PRKCB: variants seen among roughly 807,000 people sequenced by gnomAD.
PRKCB encodes protein kinase C beta type.
In PRKCB, 13 loss-of-function variants were observed where a neutral mutation model predicts 81.5. That is an observed-to-expected ratio of 0.16 (90% CI 0.10 to 0.25). PRKCB has a LOEUF of 0.25. Ranked by LOEUF, PRKCB falls within the 10% of genes least tolerant of loss-of-function variation. The pLI is 1.00. For synonymous variants in PRKCB, 335 were observed against 321.4 expected (o/e 1.04, Z -0.45); for missense variants, 509 against 875.7 (o/e 0.58, Z 5.29).
intron 5 of PRKCB, among the ~76,000 whole-genome samples, chr16:24,051,560 G>C (rs1488189345): frequency 6.6e-6 from 1 of 152,030 alleles, no homozygotes; most frequent in African/African-American, 2.4e-5. Context: ...GCAAGGCTCC[G>C]AGACACCAAA....
At chr16:23,972,317 G>A (rs1415076322) in intron 2 of PRKCB, among the ~76,000 whole-genome samples, 4 of 152,060 alleles carry the variant, frequency 2.6e-5, no homozygotes, top group Non-Finnish European at 4.4e-5. Flanking sequence ...AATTTTGGTG[G>A]TACATGCGTA....
At chr16:23,896,950 A>G (rs11074585) in intron 2 of PRKCB, among the ~76,000 whole-genome samples, 20,535 of 151,776 alleles carry the variant, frequency 0.14, 1,418 homozygotes, top group Middle Eastern at 0.23. Flanking sequence ...TCATCCATCC[A>G]TCCACCCACC....
At chr16:24,079,872 T>C (rs1170890629) in intron 5 of PRKCB, among the ~76,000 whole-genome samples, 1 of 152,230 alleles carries the variant, frequency 6.6e-6, no homozygotes, top group East Asian at 1.9e-4. Flanking sequence ...TGTTGGTATA[T>C]TTATTACGTC....
rs995346915 is a variant in PRKCB at position 24,214,595 on chromosome 16, T to C, written c.1864-63T>C. 5.0e-6 allele frequency: 7 copies of C among 1,394,648 alleles called. No individual in the cohort carries two copies. In the South Asian group the frequency reaches 7.2e-5, roughly 14 times the overall value. 86.4% of individuals were successfully genotyped at this position (1,394,648 alleles called of 1,614,324 possible). A position where few individuals can be genotyped will look rare whatever the true frequency, so the allele number is the denominator to read the frequency against. ...CCCAATTATGCTAGGTTCTGTTTTATTTTGGCTTTTGTTTTTGTTTTTTTT... is the reference window on the plus strand; with the variant it reads ...CCCAATTATGCTAGGTTCTGTTTTACTTTGGCTTTTGTTTTTGTTTTTTTT... On this transcript the variant is annotated intron_variant, in intron 16 of 16. Coordinates refer to ENST00000643927, the MANE Select transcript of PRKCB (RefSeq NM_002738.7).
chr16:23,887,762 G>A (rs1043400598), intron 2 of PRKCB, among the ~76,000 whole-genome samples: 1 of 152,230 alleles, frequency 6.6e-6, no homozygotes, highest in East Asian at 1.9e-4. Context: ...AGTTCTTTGA[G>A]AAGTCTCTAA....
chr16:24,133,939 A>G (rs985373551), intron 9 of PRKCB, among the ~76,000 whole-genome samples: 58 of 145,748 alleles, frequency 4.0e-4, no homozygotes, highest in Non-Finnish European at 3.6e-4. Context: ...TCTGTCACCC[A>G]GGCTGGAGTG....
At chr16:24,053,669 A>C (rs963027668) in intron 5 of PRKCB, among the ~76,000 whole-genome samples, 44 of 152,194 alleles carry the variant, frequency 2.9e-4, no homozygotes, top group Non-Finnish European at 1.6e-4. Flanking sequence ...ACATTGAGTA[A>C]AGACTTTCAA....
rs140707255 is a variant in PRKCB at position 24,120,364 on chromosome 16, A to C, written c.919-3471A>C. 3.8e-3 allele frequency among the ~76,000 whole-genome samples: 579 copies of C among 152,316 alleles called. 1 individual carries two copies. Among genetic ancestry groups the C allele is most frequent in the Non-Finnish European group, 6.0e-3 (406 of 68,022 alleles). On this transcript the variant is annotated intron_variant, in intron 8 of 16. Transcript: ENST00000643927. ...ACCTCAAGTTTCAAAACATGAATAA[A>C]GAGAAAATGGCGGATGCTTTGTTAG...
At chr16:24,110,823 T>C (rs1211755294) in intron 7 of PRKCB, among the ~76,000 whole-genome samples, 2 of 152,182 alleles carry the variant, frequency 1.3e-5, no homozygotes, top group Non-Finnish European at 2.9e-5. Flanking sequence ...ACGACCTGTT[T>C]ATCTTTTTGT....
chr16:24,151,877 T>TG (rs1567393419), intron 9 of PRKCB: 1 of 455,434 alleles, frequency 2.2e-6, no homozygotes, highest in Admixed American at 2.3e-5. Context: ...AGATGTAGGA[T>TG]GTCCACCCCT....
At chr16:24,165,606 T>G (rs1459544349) in intron 10 of PRKCB, among the ~76,000 whole-genome samples, 1 of 152,230 alleles carries the variant, frequency 6.6e-6, no homozygotes, top group African/African-American at 2.4e-5. Context: ...TGGTGGTACA[T>G]GAACACATTG....
chr16:23,996,965 T>C (rs571730341), intron 3 of PRKCB, among the ~76,000 whole-genome samples: 94 of 152,290 alleles, frequency 6.2e-4, no homozygotes, highest in African/African-American at 2.2e-3. Context: ...ATCAAGGAAG[T>C]GGAATGGGAG....
intron 16 of PRKCB, among the ~76,000 whole-genome samples, chr16:24,194,265 G>A (rs1967845113): frequency 6.6e-6 from 1 of 152,166 alleles, no homozygotes; most frequent in Admixed American, 6.5e-5. Context: ...GGCAGAGGTT[G>A]CAGTGAGCTG....
intron 8 of PRKCB, among the ~76,000 whole-genome samples, chr16:24,121,103 G>C (rs763127611): frequency 6.6e-6 from 1 of 152,148 alleles, no homozygotes; most frequent in Non-Finnish European, 1.5e-5. Context: ...TGCCTCCTGT[G>C]CCATATCTGC....
intron 8 of PRKCB, among the ~76,000 whole-genome samples, chr16:24,121,170 C>G (rs965112998): frequency 2.6e-5 from 4 of 152,244 alleles, no homozygotes; most frequent in African/African-American, 9.7e-5. Flanking sequence ...GTCTTCCCCT[C>G]TGTTCCATAA....
intron 5 of PRKCB, among the ~76,000 whole-genome samples, chr16:24,065,669 G>A (rs1214853138): frequency 2.0e-5 from 3 of 151,844 alleles, no homozygotes; most frequent in South Asian, 2.1e-4. Context: ...TCTAAAGAAC[G>A]TCTTTTATTA....
intron 11 of PRKCB, among the ~76,000 whole-genome samples, 163 bp downstream of exon 11, chr16:24,172,524 A>T (rs1231858735): frequency 1.3e-5 from 2 of 151,834 alleles, no homozygotes; most frequent in Non-Finnish European, 2.9e-5. Context: ...AATATGAGAT[A>T]CTTCTTTTTT....
intron 5 of PRKCB, among the ~76,000 whole-genome samples, chr16:24,062,091 T>C (rs1451743888): frequency 6.6e-6 from 1 of 152,198 alleles, no homozygotes; most frequent in African/African-American, 2.4e-5. Flanking sequence ...GTTTCCAGTA[T>C]CTCATTACTA....
chr16:24,083,126 A>G (rs1277886440), intron 5 of PRKCB, among the ~76,000 whole-genome samples: 1 of 152,218 alleles, frequency 6.6e-6, no homozygotes, highest in Non-Finnish European at 1.5e-5. Context: ...TAAAACCACA[A>G]TGAGATACCA....
Sources: gnomAD v4.1 joint callset for allele counts (sites outside exome capture counted in the v4.1 genomes callset) on GRCh38, gnomAD v4.1.1 for gene constraint, MANE v1.5 for transcripts, NCBI Gene and HGNC (gene_info 2026-07-23, HGNC 2026-07-21) for gene names.